The following RARB variants were observed in gnomAD, a reference collection of about 807,000 sequenced individuals.
The protein encoded by RARB is HBV-activated protein.
RARB carries 17 observed loss-of-function variants against 51.9 expected under a neutral mutation model. The observed-to-expected ratio is 0.33, with a 90% CI of 0.22 to 0.49. RARB has a LOEUF of 0.49. Ranked by LOEUF, RARB falls within the 20% of genes least tolerant of loss-of-function variation. RARB has a pLI of 0.99. For missense variants in RARB, 369 were observed against 550.8 expected (o/e 0.67, Z 3.30); for synonymous variants, 215 against 195.4 (o/e 1.10, Z -0.84).
At chr3:25,099,372 A>G (rs1238796576) in intron 3 of RARB, among the ~76,000 whole-genome samples, 1 of 152,260 alleles carries the variant, frequency 6.6e-6, no homozygotes, top group East Asian at 1.9e-4. Flanking sequence ...GATTGTCAAG[A>G]TAAGCTTTCA....
At chr3:25,562,608 A>C (rs545180542) in intron 3 of RARB, among the ~76,000 whole-genome samples, 1 of 152,340 alleles carries the variant, frequency 6.6e-6, no homozygotes, top group African/African-American at 2.4e-5. Context: ...CTACTTTTAT[A>C]CATTAAGCCA....
chr3:25,224,143 C>T (rs1702004989), intron 5 of RARB, among the ~76,000 whole-genome samples: 1 of 152,132 alleles, frequency 6.6e-6, no homozygotes, highest in Admixed American at 6.5e-5. Flanking sequence ...ATTCATACAA[C>T]ATTTGGTAGA....
At chr3:24,851,596 A>C (rs1041469807) in intron 1 of RARB, among the ~76,000 whole-genome samples, 4 of 152,240 alleles carry the variant, frequency 2.6e-5, no homozygotes, top group Admixed American at 2.6e-4. Flanking sequence ...GCGGGACTCC[A>C]GAAACTGGCA....
chr3:25,383,887 G>A (rs1706707642), intron 5 of RARB, among the ~76,000 whole-genome samples: 1 of 149,434 alleles, frequency 6.7e-6, no homozygotes, highest in Non-Finnish European at 1.5e-5. Flanking sequence ...CTGAGTTCAC[G>A]CCATTGCACT....
At position 25,488,196 on chromosome 3, in the gene RARB, C is replaced by T. The variant is rs539134757; in HGVS notation, c.307-12986C>T. On this transcript the variant is annotated intron_variant, in intron 2 of 7. Transcript: ENST00000330688. ...AGTTTAATCATGATTTACGGGGGCCCGGCTCTTTTTCCTACACCTGCCTGT... is the reference window on the plus strand; with the variant it reads ...AGTTTAATCATGATTTACGGGGGCCTGGCTCTTTTTCCTACACCTGCCTGT... Among the ~76,000 whole-genome samples, 83 of 152,298 alleles carry T rather than the reference C, an allele frequency of 5.4e-4. 1 individual carries two copies. The highest frequency in any genetic ancestry group is 1.5e-3 in the Admixed American group (23 of 15,304).
At chr3:24,897,752 C>CTTTT (rs11280403) in intron 2 of RARB, among the ~76,000 whole-genome samples, 1 of 145,106 alleles carries the variant, frequency 6.9e-6, no homozygotes, top group Non-Finnish European at 1.5e-5. Flanking sequence ...TGCTCTGAGG[C>CTTTT]TTTTTTTTTT....
chr3:25,252,949 C>T (rs1045954092), intron 5 of RARB, among the ~76,000 whole-genome samples: 1 of 152,126 alleles, frequency 6.6e-6, no homozygotes, highest in African/African-American at 2.4e-5. Flanking sequence ...TGAGCAGAGT[C>T]TCTATGAAGG....
At chr3:24,981,132 T>C (rs1265494636) in intron 2 of RARB, among the ~76,000 whole-genome samples, 2 of 152,180 alleles carry the variant, frequency 1.3e-5, no homozygotes, top group East Asian at 1.9e-4. Context: ...CTGATCCTTC[T>C]TATGGAAGCT....
intron 3 of RARB, among the ~76,000 whole-genome samples, chr3:25,534,657 ATTTCTT>A (rs1236275527): frequency 6.6e-6 from 1 of 151,640 alleles, no homozygotes; most frequent in Non-Finnish European, 1.5e-5. Context: ...GTTTTTGTTT[ATTTCTT>A]TTTCTTTTTT....
chr3:25,090,766 A>G (rs1431272539), intron 3 of RARB, among the ~76,000 whole-genome samples: 2 of 152,182 alleles, frequency 1.3e-5, no homozygotes, highest in Non-Finnish European at 2.9e-5. Flanking sequence ...TAAGCAGGGA[A>G]GAATTTCAGA....
At chr3:25,577,740 G>C (rs1241618394) in intron 4 of RARB, among the ~76,000 whole-genome samples, 5 of 152,216 alleles carry the variant, frequency 3.3e-5, no homozygotes, top group Non-Finnish European at 2.9e-5. Context: ...CGTTGCAGCA[G>C]AGAACCAAAC....
intron 1 of RARB, among the ~76,000 whole-genome samples, chr3:25,433,977 A>G (rs966141245): frequency 2.6e-5 from 4 of 152,212 alleles, no homozygotes; most frequent in African/African-American, 9.6e-5. Context: ...AGGCAATGGA[A>G]CTGCTGACTT....
In RARB at chr3:25,285,554, C is replaced by T. The variant is rs543872941; in HGVS notation, c.178+110979C>T. Among the ~76,000 whole-genome samples, 2 of 152,136 alleles carry T rather than the reference C, an allele frequency of 1.3e-5. 1 individual carries two copies. The highest frequency in any genetic ancestry group is 3.9e-4 in the East Asian group (2 of 5,176). On this transcript the variant is annotated intron_variant, in intron 5 of 11. Transcript: ENST00000383772. Reference sequence around the variant, plus strand: ...TTGAACTTGAATTGAACCTGACAGACCAATTAAGATGGTCTTGGAATAACC... The same window carrying T: ...TTGAACTTGAATTGAACCTGACAGATCAATTAAGATGGTCTTGGAATAACC...
intron 1 of RARB, among the ~76,000 whole-genome samples, chr3:24,830,456 C>T (rs559569055): frequency 1.3e-3 from 83 of 63,856 alleles, no homozygotes; most frequent in African/African-American, 4.5e-3. Context: ...TGCGCGCGCG[C>T]CGTGGCTAAG....
intron 2 of RARB, among the ~76,000 whole-genome samples, chr3:24,946,054 A>G (rs920548718): frequency 1.3e-5 from 2 of 152,004 alleles, no homozygotes; most frequent in African/African-American, 4.8e-5. Context: ...TCACGAGGTC[A>G]GGAGATCGAG....
rs180940922 is a variant in RARB at position 25,595,161 on chromosome 3, T to G, written c.1150+483T>G. Among the ~76,000 whole-genome samples the G allele has an allele frequency of 2.6e-5, 4 of 152,346 alleles. No homozygotes were observed. The East Asian group carries it at 7.7e-4, about 29-fold the overall frequency. ...TTGCCTAAGAGGTATATTCTTTGCC[T>G]AGTGATTTTCTGTTTATGTAGCAAC... is the stretch of plus-strand genomic sequence containing the variant. On this transcript the variant is annotated intron_variant, in intron 7 of 7. Transcript: ENST00000330688.
rs1553609073 is a variant in RARB at position 25,377,013 on chromosome 3, T to TTTTG, written c.179-84178_179-84177insTGTT. Among the ~76,000 whole-genome samples the TTTTG allele has an allele frequency of 2.1e-3, 292 of 137,972 alleles. 1 individual carries two copies. The East Asian group carries it at 0.028, about 13-fold the overall frequency. The allele number at this position is 137,972 out of a possible 152,430, so 90.5% of individuals were successfully genotyped here. A position where few individuals can be genotyped will look rare whatever the true frequency, so the allele number is the denominator to read the frequency against. On this transcript the variant is annotated intron_variant, in intron 5 of 11. Coordinates refer to the RARB transcript ENST00000383772. ...TGTTTTTCTTCTTTCAATGTATTAG[T>TTTTG]TTAGTTTGTTTGTTTGTTTGTTTGT...
intron 5 of RARB, among the ~76,000 whole-genome samples, chr3:25,220,487 A>C (rs1032436232): frequency 6.6e-6 from 1 of 152,318 alleles, no homozygotes; most frequent in Non-Finnish European, 1.5e-5. Flanking sequence ...TCTCAAAATT[A>C]TAATCCCCAT....
chr3:24,955,256 C>G (rs1337730772), intron 2 of RARB, among the ~76,000 whole-genome samples: 3 of 152,198 alleles, frequency 2.0e-5, no homozygotes, highest in African/African-American at 7.2e-5. Flanking sequence ...GTCATGCCAT[C>G]TGAAGTTAAG....
Sources: gnomAD v4.1 joint callset for allele counts (sites outside exome capture counted in the v4.1 genomes callset) on GRCh38, gnomAD v4.1.1 for gene constraint, MANE v1.5 for transcripts, NCBI Gene and HGNC (gene_info 2026-07-23, HGNC 2026-07-21) for gene names.